GNPDA2: variants seen among roughly 807,000 people sequenced by gnomAD.
The protein encoded by GNPDA2 is glcN6P deaminase 2.
GNPDA2 carries 24 observed loss-of-function variants against 27.0 expected under a neutral mutation model. The observed-to-expected ratio is 0.89, with a 90% confidence interval of 0.64 to 1.25. The LOEUF (loss-of-function observed/expected upper bound fraction) is 1.25. Among genes scored for constraint, GNPDA2 ranks in the 50% most tolerant of loss-of-function variants. The probability of loss-of-function intolerance (pLI) is 0.00; values close to 1 mark genes in which losing one functional copy is unlikely to be tolerated. For synonymous variants in GNPDA2, 94 were observed against 108.4 expected (o/e 0.87, Z 0.83); for missense variants, 286 against 335.1 (o/e 0.85, Z 1.14).
chr4:44,718,923 T>C (rs1277700842), intron 2 of GNPDA2, among the ~76,000 whole-genome samples: 1 of 151,976 alleles, frequency 6.6e-6, no homozygotes, highest in Non-Finnish European at 1.5e-5. Flanking sequence ...GGAGCCCCTG[T>C]TTCTCATCTT....
intron 6 of GNPDA2, chr4:44,703,534 C>G (rs1218368114): frequency 1.0e-6 from 1 of 996,116 alleles, no homozygotes; most frequent in Admixed American, 6.1e-5. Flanking sequence ...CAGCCAGGGG[C>G]TCAGAACTGC....
intron 6 of GNPDA2, chr4:44,704,958 GTAC>G: frequency 1.0e-6 from 1 of 983,590 alleles, no homozygotes; most frequent in Non-Finnish European, 1.2e-6. Flanking sequence ...AAATCCCCAC[GTAC>G]TAAACTTGTT....
chr4:44,713,310 C>G (rs373199346), intron 4 of GNPDA2, among the ~76,000 whole-genome samples: 12 of 152,114 alleles, frequency 7.9e-5, no homozygotes, highest in African/African-American at 2.7e-4. Flanking sequence ...ATACAGTTAA[C>G]GAAGACAGCA....
At chr4:44,717,323 G>A (rs1474952772) in intron 3 of GNPDA2, 28 bp from the exon 4 acceptor site, 2 of 1,232,306 alleles carry the variant, frequency 1.6e-6, no homozygotes, top group East Asian at 5.0e-5. Context: ...AAAAATATAA[G>A]TATTCCTGAA....
At position 44,703,232 on chromosome 4, in the gene GNPDA2, CAGTA is replaced by C; in HGVS notation, c.770-94_770-91del. 14 of 1,499,478 alleles carry C rather than the reference CAGTA, an allele frequency of 9.3e-6. No individual in the cohort carries two copies. In the East Asian group the frequency reaches 2.7e-4, roughly 28 times the overall value. 92.9% of individuals were successfully genotyped at this position (1,499,478 alleles called of 1,614,324 possible). On this transcript the variant is annotated intron_variant, in intron 6 of 6. Transcript: ENST00000295448. ...ACAACAAAGTATTTTTTATAAGACA[CAGTA>C]AGCCTGTTTAGTTCCCATCTTGATA...
In GNPDA2 at chr4:44,722,166, T is replaced by C; in HGVS notation, c.42A>G (p.Glu14=). 1.9e-6 allele frequency: 3 copies of C among 1,612,664 alleles called. No individual in the cohort carries two copies. Among genetic ancestry groups the C allele is most frequent in the South Asian group, 1.1e-5 (1 of 91,020 alleles). Residue 14 remains glutamate, a synonymous_variant, in exon 2 of 7, where the codon GAA becomes GAG. Coordinates refer to ENST00000295448, the MANE Select transcript of GNPDA2 (RefSeq NM_138335.3). ...VILDNYDLAS[E]WAAKYICNRI... ...GATTACAGATGTATTTGGCTGCCCA[T>C]TCACTAGCCAAGTCATAGTTATCAA... is the stretch of plus-strand genomic sequence containing the variant.
chr4:44,725,665 G>A (rs1156890086), intron 1 of GNPDA2, among the ~76,000 whole-genome samples: 2 of 152,156 alleles, frequency 1.3e-5, no homozygotes, highest in South Asian at 2.1e-4. Flanking sequence ...GAGCAAAGAA[G>A]AATTTCTTCA....
At chr4:44,719,624 T>G (rs1717543193) in intron 2 of GNPDA2, among the ~76,000 whole-genome samples, 1 of 152,048 alleles carries the variant, frequency 6.6e-6, no homozygotes, top group South Asian at 2.1e-4. Context: ...CTTTCCCTCT[T>G]CCTTTCTCGA....
chr4:44,704,376 G>T (rs1224928728), intron 6 of GNPDA2: 21 of 949,582 alleles, frequency 2.2e-5, no homozygotes, highest in Non-Finnish European at 2.5e-5. Flanking sequence ...TACTTAAATA[G>T]TATTCATCTG....
At chr4:44,711,161 T>C (rs1716953509) in intron 4 of GNPDA2, 24 bp from the exon 5 acceptor site, 5 of 1,432,780 alleles carry the variant, frequency 3.5e-6, no homozygotes, top group South Asian at 1.6e-5. Context: ...TATACATACA[T>C]ATACACATGA....
At chr4:44,704,950 AT>A (rs1037259970) in intron 6 of GNPDA2, 2 of 984,014 alleles carry the variant, frequency 2.0e-6, no homozygotes, top group African/African-American at 3.5e-5. Flanking sequence ...AATAAAACAA[AT>A]CCCCACGTAC....
At chr4:44,706,343 G>T (rs1211610637) in intron 6 of GNPDA2, 1 of 151,772 alleles carries the variant, frequency 6.6e-6, no homozygotes, top group Admixed American at 6.6e-5. Context: ...AATAAATTAT[G>T]ATTTATGTAC....
chr4:44,726,057 G>C (rs1467680448), intron 1 of GNPDA2, among the ~76,000 whole-genome samples: 3 of 152,168 alleles, frequency 2.0e-5, no homozygotes, highest in African/African-American at 7.2e-5. Flanking sequence ...CCGACCCGAG[G>C]AGGGACGAGA....
intron 1 of GNPDA2, among the ~76,000 whole-genome samples, chr4:44,724,535 G>A (rs1032231514): frequency 6.6e-6 from 1 of 151,622 alleles, no homozygotes; most frequent in African/African-American, 2.4e-5. Context: ...TGAACATTCT[G>A]TAATAATTCC....
chr4:44,707,756 A>G lies in GNPDA2; in HGVS notation c.765T>C (p.Phe255=). 1 of 1,611,854 alleles carries G rather than the reference A, an allele frequency of 6.2e-7. No homozygotes were observed. Among genetic ancestry groups the G allele is most frequent in the Non-Finnish European group, 8.5e-7 (1 of 1,178,602 alleles). The change falls in exon 6 of 7, where the codon TTT becomes TTC. Residue 255 remains phenylalanine (F), a synonymous_variant. Coordinates refer to ENST00000295448, the MANE Select transcript of GNPDA2 (RefSeq NM_138335.3). ...LELRVKTVKY[F]KGLMHVHNKL... ...CTTTTGAAATTCAGTGCTCACCTTT[A>G]AAGTATTTCACAGTTTTAACTCTTA...
At chr4:44,714,373 T>C (rs769136655) in intron 4 of GNPDA2, 2 of 985,372 alleles carry the variant, frequency 2.0e-6, no homozygotes, top group Non-Finnish European at 2.4e-6. Flanking sequence ...CTGAACACGT[T>C]TGCCATCAGA....
chr4:44,719,702 A>T (rs1318676347), intron 2 of GNPDA2, among the ~76,000 whole-genome samples: 2 of 151,952 alleles, frequency 1.3e-5, no homozygotes, highest in Non-Finnish European at 2.9e-5. Context: ...CAATTTAAGG[A>T]TATATGAATA....
In GNPDA2 at chr4:44,702,799, T is replaced by G; in HGVS notation, c.*282A>C. 8.1e-7 allele frequency: 1 copy of G among 1,238,892 alleles called. No individual in the cohort carries two copies. The highest frequency in any genetic ancestry group is 1.0e-6 in the Non-Finnish European group (1 of 990,894). 76.7% of individuals were successfully genotyped at this position (1,238,892 alleles called of 1,614,324 possible). A position where few individuals can be genotyped will look rare whatever the true frequency, so the allele number is the denominator to read the frequency against. ...GTGGACACTCTACCTTTAAAATGAC[T>G]TTTTAAACAGGCAGACATTTCTATG... is the stretch of plus-strand genomic sequence containing the variant. On this transcript the variant is annotated 3_prime_UTR_variant, in exon 7 of 7. Transcript: ENST00000295448.
chr4:44,714,972 C>A (rs1450807262), intron 4 of GNPDA2, among the ~76,000 whole-genome samples: 1 of 152,114 alleles, frequency 6.6e-6, no homozygotes, highest in East Asian at 1.9e-4. Flanking sequence ...GAAACAACTA[C>A]AGGAAGCTTA....
Sources: allele counts gnomAD v4.1 joint callset (sites outside exome capture counted in the v4.1 genomes callset), GRCh38; gene constraint gnomAD v4.1.1; transcripts MANE v1.5; gene names NCBI Gene and HGNC (gene_info 2026-07-23, HGNC 2026-07-21).